Variants in REPS1 observed in about 807,000 individuals in gnomAD.
REPS1 encodes RALBP1 associated Eps domain containing 1, also known as ralBP1-associated Eps domain-containing protein 1.
REPS1 carries 39 observed loss-of-function variants against 100.9 expected under a neutral mutation model. That is an observed-to-expected ratio of 0.39 (90% CI 0.30 to 0.50). REPS1 has a LOEUF of 0.50. REPS1 is among the 20% of genes least tolerant of loss of function. The pLI, the probability that REPS1 is intolerant of heterozygous loss-of-function variation, is 0.86. For missense variants in REPS1, 821 were observed against 968.5 expected (o/e 0.85, Z 2.02); for synonymous variants, 324 against 340.3 (o/e 0.95, Z 0.53).
chr6:138,978,089 C>T (rs989913369), intron 1 of REPS1, among the ~76,000 whole-genome samples: 2 of 110,826 alleles, frequency 1.8e-5, no homozygotes, highest in Admixed American at 8.1e-5. Context: ...AATGGGCTTT[C>T]GCCCAGTTTT....
At chr6:138,985,174 C>T (rs9389641) in intron 1 of REPS1, among the ~76,000 whole-genome samples, 96,427 of 152,030 alleles carry the variant, frequency 0.63, 32,434 homozygotes, top group East Asian at 0.87. Context: ...CTTTCCACTT[C>T]TGATCACTTT....
Position 138,917,513 on chromosome 6 carries a change from G to C in REPS1, c.1601+42C>G, listed in dbSNP as rs755199897. The C allele has an allele frequency of 2.8e-6, 4 of 1,437,486 alleles. No homozygotes were observed. In the Admixed American group the frequency reaches 6.7e-5, roughly 24 times the overall value. The allele number at this position is 1,437,486 out of a possible 1,614,324, so 89.0% of individuals were successfully genotyped here. On this transcript the variant is annotated intron_variant, in intron 13 of 19. Coordinates refer to ENST00000450536, the MANE Select transcript of REPS1 (RefSeq NM_001286611.2). ...AAATAGTTTTAAACATTAAAACGCA[G>C]CAAGATAGTTTAACATGCTTTTCAT...
At chr6:138,920,345 A>C in intron 11 of REPS1, 29 bp from the exon 12 acceptor site, 1 of 1,196,794 alleles carries the variant, frequency 8.4e-7, no homozygotes, top group Non-Finnish European at 1.2e-6. Flanking sequence ...GTAAAAATAC[A>C]AGACATAGGT....
intron 1 of REPS1, among the ~76,000 whole-genome samples, chr6:138,957,594 C>T (rs1485220907): frequency 6.6e-6 from 1 of 151,970 alleles, no homozygotes; most frequent in East Asian, 1.9e-4. Flanking sequence ...GCCAAGAAAA[C>T]AGAGAAAAAA....
intron 1 of REPS1, among the ~76,000 whole-genome samples, chr6:138,958,921 A>G (rs190423339): frequency 2.6e-5 from 4 of 152,216 alleles, no homozygotes; most frequent in African/African-American, 9.6e-5. Context: ...GGAGAAAATT[A>G]CATGAGCATC....
rs10582137 is a variant in REPS1 at position 138,916,218 on chromosome 6, C to CTT, written c.1602-244_1602-243dup. ...GTTATTAAGCAAAATTTCTTTTTTTCTTTTTTTTTTTTTTTTTTTTTTGAG... is the reference window on the plus strand; with the variant it reads ...GTTATTAAGCAAAATTTCTTTTTTTCTTTTTTTTTTTTTTTTTTTTTTTTGAG... On this transcript the variant is annotated intron_variant, in intron 13 of 19. Transcript: ENST00000450536. 8.8e-3 allele frequency: 1,807 copies of CTT among 206,514 alleles called. 5 individuals carry two copies. The highest frequency in any genetic ancestry group is 0.015 in the South Asian group (319 of 21,798). The allele number at this position is 206,514 out of a possible 1,614,324, so 12.8% of individuals were successfully genotyped here. A position where few individuals can be genotyped will look rare whatever the true frequency, so the allele number is the denominator to read the frequency against.
At position 138,944,536 on chromosome 6, in the gene REPS1, T is replaced by C; in HGVS notation, c.715A>G (p.Thr239Ala). Residue 239 changes from threonine to alanine, a missense_variant, in exon 5 of 20, where the codon ACC (threonine) becomes GCC (alanine). Physicochemically the swap from Thr to Ala is moderately conservative, Grantham distance 58. This residue lies in a region of REPS1 where 757 missense variants were observed against 866.4 expected (regional missense o/e 0.87). Transcript: ENST00000450536. ...GGATGCATGGTTAAAAGAGTACTGGTTGGTGGAGTATCTGCAAAACTGACC... is the reference window on the plus strand; with the variant it reads ...GGATGCATGGTTAAAAGAGTACTGGCTGGTGGAGTATCTGCAAAACTGACC... ...NWVSFADTPP[T>A]STLLTMHPAS... 6.2e-7 allele frequency: 1 copy of C among 1,614,058 alleles called. No homozygotes were observed.
intron 1 of REPS1, among the ~76,000 whole-genome samples, chr6:138,982,628 C>T (rs914089760): frequency 6.6e-6 from 1 of 152,200 alleles, no homozygotes; most frequent in African/African-American, 2.4e-5. Flanking sequence ...CGGCAGACAG[C>T]AAAATTCCTC....
intron 1 of REPS1, among the ~76,000 whole-genome samples, chr6:138,962,756 T>C (rs1200138618): frequency 6.6e-6 from 1 of 152,194 alleles, no homozygotes; most frequent in African/African-American, 2.4e-5. Flanking sequence ...TTATTTATTG[T>C]ATGTCTCCCA....
At position 138,956,811 on chromosome 6, in the gene REPS1, G is replaced by GAA. The variant is rs60624355; in HGVS notation, c.154-8900_154-8899dup. 6.4e-3 allele frequency among the ~76,000 whole-genome samples: 929 copies of GAA among 146,086 alleles called. 15 individuals carry two copies. The highest frequency in any genetic ancestry group is 0.022 in the African/African-American group (874 of 39,880). On this transcript the variant is annotated intron_variant, in intron 1 of 19. Coordinates refer to ENST00000450536, the MANE Select transcript of REPS1 (RefSeq NM_001286611.2). The stretch of plus-strand genomic sequence containing the variant: ...AAGAGGACTGCCAAATTTACAAACA[G>GAA]AAAAAAAAAACCACACAGAGGGAAA...
chr6:138,939,533 AAATAT>A (rs1463541875), intron 8 of REPS1, among the ~76,000 whole-genome samples: 3 of 152,250 alleles, frequency 2.0e-5, no homozygotes, highest in African/African-American at 7.2e-5. Context: ...ATTCACTGAC[AAATAT>A]AACAGACGAC....
intron 1 of REPS1, among the ~76,000 whole-genome samples, chr6:138,976,248 C>T (rs1317513077): frequency 6.6e-6 from 1 of 152,014 alleles, no homozygotes; most frequent in African/African-American, 2.4e-5. Context: ...TTTCTATTTC[C>T]ACGTACAACA....
At chr6:138,969,166 A>C (rs540770417) in intron 1 of REPS1, among the ~76,000 whole-genome samples, 1 of 151,974 alleles carries the variant, frequency 6.6e-6, no homozygotes, top group East Asian at 1.9e-4. Context: ...GAAAATATAC[A>C]CTTGGCCCTG....
intron 19 of REPS1, 182 bp downstream of exon 19, chr6:138,907,313 A>AAGTGTGTGGGTGT (rs1554282170): frequency 2.2e-5 from 3 of 135,344 alleles, no homozygotes; most frequent in Admixed American, 1.1e-4. Flanking sequence ...AAAAAAAAAA[A>AAGTGTGTGGGTGT]GTGTGTGTGT....
chr6:138,908,664 T>A lies in REPS1; in HGVS notation c.2216+4A>T. Reference sequence around the variant, plus strand: ...TAAATGTGTCTAGGAATAGCTTTGATTACCTGGGAATAGAAGGTTGTGATG... The same window carrying A: ...TAAATGTGTCTAGGAATAGCTTTGAATACCTGGGAATAGAAGGTTGTGATG... On this transcript the variant is annotated splice_donor_region_variant and intron_variant, in intron 18 of 19. Transcript: ENST00000450536. 6.2e-7 allele frequency: 1 copy of A among 1,614,010 alleles called. No individual in the cohort carries two copies. The highest frequency in any genetic ancestry group is 8.5e-7 in the Non-Finnish European group (1 of 1,179,926).
At chr6:138,982,666 T>C (rs910337131) in intron 1 of REPS1, among the ~76,000 whole-genome samples, 4 of 152,220 alleles carry the variant, frequency 2.6e-5, no homozygotes, top group Admixed American at 6.5e-5. Flanking sequence ...GCCAGATTTT[T>C]CTCCCCCTCA....
rs1007701073 is a variant in REPS1 at position 138,975,919 on chromosome 6, C to A, written c.153+11611G>T. Among the ~76,000 whole-genome samples the A allele has an allele frequency of 2.0e-5, 3 of 152,112 alleles. No homozygotes were observed. The South Asian group carries it at 6.2e-4, about 32-fold the overall frequency. On this transcript the variant is annotated intron_variant, in intron 1 of 19. Coordinates refer to ENST00000450536, the MANE Select transcript of REPS1 (RefSeq NM_001286611.2). ...AATCTCAAGAGAGGTTAAGTACTTACAAAAGATGAGAAGTTAATAAGCACT... is the reference window on the plus strand; with the variant it reads ...AATCTCAAGAGAGGTTAAGTACTTAAAAAAGATGAGAAGTTAATAAGCACT...
chr6:138,916,455 A>C (rs62442363), intron 13 of REPS1, among the ~76,000 whole-genome samples: 1 of 152,012 alleles, frequency 6.6e-6, no homozygotes, highest in African/African-American at 2.4e-5. Flanking sequence ...TCCTGACTTC[A>C]GGTGATCCGC....
chr6:138,920,275 C>A lies in REPS1; in HGVS notation c.1468G>T (p.Asp490Tyr). 6.2e-7 allele frequency: 1 copy of A among 1,604,156 alleles called. No individual in the cohort carries two copies. Among genetic ancestry groups the A allele is most frequent in the South Asian group, 1.1e-5 (1 of 90,818 alleles). The change falls in exon 12 of 20, where the codon GAC becomes TAC. Residue 490 changes from aspartate to tyrosine, a missense_variant. Physicochemically the swap from Asp to Tyr is radical, Grantham distance 160. This residue lies in a region of REPS1 where 757 missense variants were observed against 866.4 expected (regional missense o/e 0.87). Coordinates refer to ENST00000450536, the MANE Select transcript of REPS1 (RefSeq NM_001286611.2). ...TTTATCTTATTTTCTTCTAAAAGGT[C>A]AGATGGTTTCACAAGTAATGGGCTA... ...PTSPLLVKPS[D>Y]LLEENKINSS... is the part of the protein sequence containing the mutation.
Sources: gnomAD v4.1 joint callset for allele counts (sites outside exome capture counted in the v4.1 genomes callset) on GRCh38, gnomAD v4.1.1 for gene constraint, gnomAD v4.1.1 regional missense constraint, MANE v1.5 for transcripts, NCBI Gene and HGNC (gene_info 2026-07-23, HGNC 2026-07-21) for gene names.